The following IQGAP2 variants were observed in gnomAD, a reference collection of about 807,000 sequenced individuals.
IQGAP2 encodes the protein ras GTPase-activating-like protein IQGAP2.
IQGAP2 carries 173 observed loss-of-function variants against 201.3 expected under a neutral mutation model. That is an observed-to-expected ratio of 0.86 (90% CI 0.76 to 0.98). The LOEUF (loss-of-function observed/expected upper bound fraction) is 0.98, where lower values mean the gene tolerates loss of function less well. IQGAP2 is among the 50% of genes least tolerant of loss of function. IQGAP2 has a pLI of 0.00. For missense variants in IQGAP2, 1,687 were observed against 1,864.8 expected, an observed-to-expected ratio of 0.90 and a Z score of 1.76; for synonymous variants, 675 against 673.9, an observed-to-expected ratio of 1.00 and a Z score of -0.03.
Position 76,665,055 on chromosome 5 carries a change from C to T in IQGAP2, c.2559C>T (p.Asn853=). ...TAATTTCACATAGTAAAAAGCTGAACAAGAAAAAAGGAGGAGAAATGGAAA... is the reference window on the plus strand; with the variant it reads ...TAATTTCACATAGTAAAAAGCTGAATAAGAAAAAAGGAGGAGAAATGGAAA... The part of the protein sequence containing the change: ...EDVISHSKKL[N]KKKGGEMEIL... Residue 853 remains asparagine (N), a synonymous_variant, in exon 22 of 36, where the codon AAC becomes AAT. Transcript: ENST00000274364. 6.3e-7 allele frequency: 1 copy of T among 1,587,186 alleles called. No homozygotes were observed. Among genetic ancestry groups the T allele is most frequent in the Non-Finnish European group, 8.6e-7 (1 of 1,157,026 alleles).
At chr5:76,592,392 T>C (rs1746721569) in intron 8 of IQGAP2, among the ~76,000 whole-genome samples, 1 of 152,188 alleles carries the variant, frequency 6.6e-6, no homozygotes. Flanking sequence ...TTGATTATGA[T>C]CTCTTTGCAA....
chr5:76,555,518 A>G (rs1743880679), intron 2 of IQGAP2, among the ~76,000 whole-genome samples: 1 of 152,162 alleles, frequency 6.6e-6, no homozygotes, highest in Non-Finnish European at 1.5e-5. Context: ...TTTGACCCCA[A>G]CATACCATAC....
rs60419339 is a variant in IQGAP2, at chr5:76,560,773, T to G, written c.147-1623T>G. On this transcript the variant is annotated intron_variant, in intron 2 of 35. Transcript: ENST00000274364. ...TTTAATGCTCTTTGAAGGCAAGGCT[T>G]ATGTTTATATTTTTATCATATATAC... Among the ~76,000 whole-genome samples the G allele has an allele frequency of 1.4e-3, 217 of 152,334 alleles. 1 individual carries two copies. The highest frequency in any genetic ancestry group is 4.5e-3 in the African/African-American group (187 of 41,578).
At chr5:76,464,995 AAAG>A (rs1237996221) in intron 2 of IQGAP2, among the ~76,000 whole-genome samples, 1 of 152,204 alleles carries the variant, frequency 6.6e-6, no homozygotes, top group Non-Finnish European at 1.5e-5. Context: ...CCAAATGTTT[AAAG>A]AAGAATTAAG....
At chr5:76,494,411 C>G (rs1319649583) in intron 2 of IQGAP2, among the ~76,000 whole-genome samples, 1 of 152,152 alleles carries the variant, frequency 6.6e-6, no homozygotes, top group Non-Finnish European at 1.5e-5. Context: ...TCCACTGGTT[C>G]TCTGGCTTGC....
chr5:76,422,747 C>T (rs1349464418), intron 1 of IQGAP2, among the ~76,000 whole-genome samples: 4 of 152,194 alleles, frequency 2.6e-5, no homozygotes, highest in Non-Finnish European at 5.9e-5. Context: ...GTACACACAG[C>T]TCTAAGAAGT....
At chr5:76,419,084 A>C (rs1030905750) in intron 1 of IQGAP2, among the ~76,000 whole-genome samples, 1 of 152,124 alleles carries the variant, frequency 6.6e-6, no homozygotes, top group African/African-American at 2.4e-5. Flanking sequence ...TATTGTCACT[A>C]TCCTCTGTTT....
intron 5 of IQGAP2, among the ~76,000 whole-genome samples, chr5:76,586,246 CT>C (rs769801988): frequency 1.3e-5 from 2 of 151,910 alleles, no homozygotes; most frequent in Non-Finnish European, 2.9e-5. Flanking sequence ...GGCTATTTCA[CT>C]TTGAAGAATG....
At chr5:76,527,268 G>T (rs895756407) in intron 2 of IQGAP2, among the ~76,000 whole-genome samples, 2 of 152,182 alleles carry the variant, frequency 1.3e-5, no homozygotes, top group African/African-American at 4.8e-5. Flanking sequence ...ATGGAGACAG[G>T]GTCTAAACAG....
chr5:76,690,268 G>A (rs915998384), intron 30 of IQGAP2, among the ~76,000 whole-genome samples: 4 of 152,202 alleles, frequency 2.6e-5, no homozygotes, highest in African/African-American at 4.8e-5. Context: ...AGATGCCATT[G>A]TGAGGAGCTT....
At chr5:76,637,983 T>C (rs756678535) in intron 16 of IQGAP2, among the ~76,000 whole-genome samples, 14 of 152,214 alleles carry the variant, frequency 9.2e-5, no homozygotes, top group Non-Finnish European at 1.5e-4. Flanking sequence ...ATTTTACTTA[T>C]TGAAAGCAAT....
intron 2 of IQGAP2, among the ~76,000 whole-genome samples, chr5:76,543,425 G>A (rs1742904985): frequency 1.3e-5 from 2 of 152,294 alleles, no homozygotes; most frequent in South Asian, 4.1e-4. Context: ...ATGTGCAAGC[G>A]GGCCTCAGAG....
chr5:76,540,237 C>A (rs1363909478), intron 2 of IQGAP2, among the ~76,000 whole-genome samples: 1 of 152,148 alleles, frequency 6.6e-6, no homozygotes, highest in Admixed American at 6.5e-5. Flanking sequence ...CTTTAAATAG[C>A]AGAGTTGATG....
intron 5 of IQGAP2, among the ~76,000 whole-genome samples, chr5:76,587,599 C>G (rs1403036265): frequency 6.6e-6 from 1 of 152,032 alleles, no homozygotes; most frequent in African/African-American, 2.4e-5. Context: ...AAACCATAAG[C>G]CACTAATTTT....
At chr5:76,565,120 A>G (rs1744654746) in intron 3 of IQGAP2, among the ~76,000 whole-genome samples, 1 of 152,218 alleles carries the variant, frequency 6.6e-6, no homozygotes, top group African/African-American at 2.4e-5. Context: ...TAGCAAATAG[A>G]TAATGCAACT....
At chr5:76,515,486 A>G (rs1055024267) in intron 2 of IQGAP2, among the ~76,000 whole-genome samples, 1 of 152,208 alleles carries the variant, frequency 6.6e-6, no homozygotes, top group Non-Finnish European at 1.5e-5. Flanking sequence ...ATGAAGTAGA[A>G]ATATTTAGCA....
intron 20 of IQGAP2, 129 bp downstream of exon 20, chr5:76,655,132 A>G: frequency 1.6e-6 from 1 of 638,366 alleles, no homozygotes; most frequent in East Asian, 2.7e-5. Flanking sequence ...GTAGATTTTG[A>G]TCATCTCAGG....
chr5:76,498,371 A>G (rs893699773), intron 2 of IQGAP2, among the ~76,000 whole-genome samples: 1 of 152,206 alleles, frequency 6.6e-6, no homozygotes, highest in African/African-American at 2.4e-5. Context: ...TGTTATATCC[A>G]TTTGACAGAT....
At chr5:76,496,791 TTC>T (rs200544778) in intron 2 of IQGAP2, among the ~76,000 whole-genome samples, 20 of 110,830 alleles carry the variant, frequency 1.8e-4, no homozygotes, top group Admixed American at 3.9e-4. Flanking sequence ...CTTTCTTTCT[TTC>T]TCTTTCTTTC....
Sources: gnomAD v4.1 joint callset for allele counts (sites outside exome capture counted in the v4.1 genomes callset) on GRCh38, gnomAD v4.1.1 for gene constraint, MANE v1.5 for transcripts, NCBI Gene and HGNC (gene_info 2026-07-23, HGNC 2026-07-21) for gene names.